UGT2A1: variants seen among roughly 807,000 people sequenced by gnomAD.
UGT2A1 encodes UDP glucuronosyltransferase family 2 member A1 complex locus, also known as UDP-glucuronosyltransferase 2A1.
A neutral mutation model predicts 45.4 loss-of-function variants in UGT2A1; 61 were observed. That is an observed-to-expected ratio of 1.34 (90% CI 1.09 to 1.66). UGT2A1 has a LOEUF of 1.66. Among genes scored for constraint, UGT2A1 ranks in the 40% most tolerant of loss-of-function variants. The probability of loss-of-function intolerance (pLI) is 0.00; values close to 1 mark genes in which losing one functional copy is unlikely to be tolerated. For synonymous variants in UGT2A1, 229 were observed against 196.2 expected (o/e 1.17, Z -1.40); for missense variants, 649 against 574.3 (o/e 1.13, Z -1.33).
intron 1 of UGT2A1, among the ~76,000 whole-genome samples, chr4:69,652,844 T>C (rs1722603491): frequency 6.6e-6 from 1 of 152,172 alleles, no homozygotes; most frequent in African/African-American, 2.4e-5. Flanking sequence ...TCACTTTATG[T>C]GTCATCTAAT....
At chr4:69,632,977 A>G (rs947481234) in intron 3 of UGT2A1, among the ~76,000 whole-genome samples, 1 of 152,142 alleles carries the variant, frequency 6.6e-6, no homozygotes, top group African/African-American at 2.4e-5. Context: ...TGGCTTACAA[A>G]CCGGACGTGG....
chr4:69,595,034 C>A (rs1007553479), intron 5 of UGT2A1, 128 bp downstream of exon 5: 1 of 1,312,296 alleles, frequency 7.6e-7, no homozygotes, highest in Non-Finnish European at 1.1e-6. Flanking sequence ...GTAATTATAT[C>A]TGCTTTAAAA....
At chr4:69,638,897 A>G (rs1333128286) in intron 2 of UGT2A1, 17 of 1,570,578 alleles carry the variant, frequency 1.1e-5, no homozygotes, top group Non-Finnish European at 1.5e-5. Flanking sequence ...TTTTAGACTT[A>G]CCTAAAATTT....
intron 6 of UGT2A1, 50 bp from the exon 7 acceptor site, chr4:69,589,701 T>C (rs760157773): frequency 1.3e-6 from 2 of 1,558,034 alleles, no homozygotes; most frequent in Non-Finnish European, 1.7e-6. Flanking sequence ...GTTTTTATTT[T>C]CATTGAAGAT....
chr4:69,616,544 A>G (rs1720398262), intron 3 of UGT2A1, among the ~76,000 whole-genome samples: 1 of 151,946 alleles, frequency 6.6e-6, no homozygotes, highest in Non-Finnish European at 1.5e-5. Context: ...AACTTAAACA[A>G]TTATAACATG....
At chr4:69,619,146 C>T (rs1720592286) in intron 3 of UGT2A1, among the ~76,000 whole-genome samples, 1 of 151,664 alleles carries the variant, frequency 6.6e-6, no homozygotes, top group African/African-American at 2.4e-5. Context: ...GCCTACAATC[C>T]CAGTACTTTG....
chr4:69,606,776 T>G (rs1479570437), intron 3 of UGT2A1, among the ~76,000 whole-genome samples: 1 of 135,984 alleles, frequency 7.4e-6, no homozygotes, highest in Admixed American at 7.2e-5. Flanking sequence ...TATACACCAA[T>G]AACAGACAAA....
chr4:69,613,608 A>C (rs938775937), intron 3 of UGT2A1, among the ~76,000 whole-genome samples: 1 of 152,178 alleles, frequency 6.6e-6, no homozygotes, highest in African/African-American at 2.4e-5. Context: ...TCAACAACAT[A>C]TTAAAAAGAT....
At position 69,589,612 on chromosome 4, in the gene UGT2A1, A is replaced by C; in HGVS notation, c.1344T>G (p.His448Gln). The change falls in exon 7 of 7, where the codon CAT becomes CAG. Residue 448 changes from histidine to glutamine, a missense_variant. By Grantham distance (24) the His-to-Gln change is conservative (BLOSUM62 0). Transcript: ENST00000286604. ...ENAMRLSRIHHDQPVKPLDRA... is the reference protein window; with the variant it reads ...ENAMRLSRIHQDQPVKPLDRA... ...GATCCAGGGGCTTTACAGGTTGATC[A>C]TGGTGAATTCTTGATAACCTCATAG... 6.2e-7 allele frequency: 1 copy of C among 1,613,952 alleles called. No homozygotes were observed. Among genetic ancestry groups the C allele is most frequent in the Non-Finnish European group, 8.5e-7 (1 of 1,179,862 alleles).
At chr4:69,608,990 CAT>C (rs1719857580) in intron 3 of UGT2A1, among the ~76,000 whole-genome samples, 1 of 151,890 alleles carries the variant, frequency 6.6e-6, no homozygotes, top group African/African-American at 2.4e-5. Context: ...TCCTCAGGAA[CAT>C]AAAGAAAAAT....
At chr4:69,631,224 T>G (rs1426829653) in intron 3 of UGT2A1, among the ~76,000 whole-genome samples, 2 of 152,122 alleles carry the variant, frequency 1.3e-5, no homozygotes, top group Non-Finnish European at 2.9e-5. Context: ...ACTGTTTTAG[T>G]GAAATTAGTT....
Position 69,626,039 on chromosome 4 carries a change from T to G in UGT2A1, c.847+9652A>C, listed in dbSNP as rs116596216. ...CTAATTCTATCATGTATGTCATGACTGTGAACTTGTCTGTTTAATAATATG... is the reference window on the plus strand; with the variant it reads ...CTAATTCTATCATGTATGTCATGACGGTGAACTTGTCTGTTTAATAATATG... On this transcript the variant is annotated intron_variant, in intron 3 of 6. Transcript: ENST00000286604. Among the ~76,000 whole-genome samples the G allele has an allele frequency of 1.9e-3, 289 of 151,730 alleles. 2 individuals carry two copies. The highest frequency in any genetic ancestry group is 6.6e-3 in the African/African-American group (274 of 41,522).
At chr4:69,630,408 C>T (rs1577990697) in intron 3 of UGT2A1, among the ~76,000 whole-genome samples, 1 of 152,034 alleles carries the variant, frequency 6.6e-6, no homozygotes, top group East Asian at 1.9e-4. Context: ...TATGTTAAAG[C>T]TACCTTTGTC....
In UGT2A1 at chr4:69,605,292, G is replaced by C. The variant is rs1199404607; in HGVS notation, c.848-5898C>G. 2.2e-5 allele frequency among the ~76,000 whole-genome samples: 3 copies of C among 136,756 alleles called. 1 individual carries two copies. The highest frequency in any genetic ancestry group is 7.2e-5 in the Admixed American group (1 of 13,868). The allele number at this position is 136,756 out of a possible 152,430, so 89.7% of individuals were successfully genotyped here. The stretch of plus-strand genomic sequence containing the variant: ...TCACTCAAAACCGCTCAACTACATG[G>C]AAACTGAACAACCTGCTCCTGAATG... On this transcript the variant is annotated intron_variant, in intron 3 of 6. Coordinates refer to ENST00000286604, the MANE Select transcript of UGT2A1 (RefSeq NM_001252275.3).
At chr4:69,639,142 G>T in intron 2 of UGT2A1, 1 of 1,613,626 alleles carries the variant, frequency 6.2e-7, no homozygotes, top group South Asian at 1.1e-5. Context: ...AGAGCAACAA[G>T]ATCACCACAG....
chr4:69,637,908 AAGGCAGGC>A (rs140477220), intron 2 of UGT2A1, among the ~76,000 whole-genome samples: 18 of 150,236 alleles, frequency 1.2e-4, no homozygotes, highest in Middle Eastern at 3.4e-3. Context: ...GGCAAGAAGG[AAGGCAGGC>A]AGGCAGGCAG....
chr4:69,596,056 C>G (rs1718902216), intron 4 of UGT2A1, among the ~76,000 whole-genome samples: 1 of 152,074 alleles, frequency 6.6e-6, no homozygotes. Flanking sequence ...AAAATAATGC[C>G]AAGGCTCAGT....
chr4:69,591,682 T>C (rs1470410541), intron 6 of UGT2A1, among the ~76,000 whole-genome samples: 2 of 152,174 alleles, frequency 1.3e-5, no homozygotes, highest in African/African-American at 4.8e-5. Context: ...GAAGTCCATT[T>C]GGATGGTTGG....
Position 69,595,168 on chromosome 4 carries a change from G to A in UGT2A1, c.1078C>T (p.Leu360Phe). 1.2e-6 allele frequency: 2 copies of A among 1,613,834 alleles called. No individual in the cohort carries two copies. The highest frequency in any genetic ancestry group is 2.2e-5 in the South Asian group (2 of 91,072). The change falls in exon 5 of 7, where the codon CTT (leucine) becomes TTT (phenylalanine). Residue 360 changes from leucine to phenylalanine, a missense_variant. Coordinates refer to ENST00000286604, the MANE Select transcript of UGT2A1 (RefSeq NM_001252275.3). ...QLFDWIPQND[L>F]LGHPKTKAFI... is the part of the protein sequence containing the mutation. ...TCTTTCCCCACAGTCTTACCAAGAA[G>A]ATCATTCTGGGGTATCCAATCAAAG...
Sources: gnomAD v4.1 joint callset for allele counts (sites outside exome capture counted in the v4.1 genomes callset) on GRCh38, gnomAD v4.1.1 for gene constraint, MANE v1.5 for transcripts, NCBI Gene and HGNC (gene_info 2026-07-23, HGNC 2026-07-21) for gene names.